NKAPL: variants seen among roughly 807,000 people sequenced by gnomAD.
NKAPL encodes the protein NFKB activating protein like.
NKAPL carries 7 observed loss-of-function variants against 14.7 expected under a neutral mutation model. The observed-to-expected ratio is 0.48, with a 90% CI of 0.27 to 0.89. The LOEUF is 0.89. Among genes scored for constraint, NKAPL ranks in the 40% least tolerant of loss-of-function variants. The pLI is 0.12. For synonymous variants in NKAPL, 192 were observed against 179.9 expected (o/e 1.07, Z -0.54); for missense variants, 466 against 494.1 (o/e 0.94, Z 0.54).
Position 28,260,228 on chromosome 6 carries a change from A to T in NKAPL, c.857A>T (p.His286Leu). The change falls in exon 1 of 1, where the codon CAT becomes CTT. Residue 286 changes from histidine (H) to leucine (L), a missense_variant. Physicochemically the swap from His to Leu is moderately conservative, Grantham distance 99. Coordinates refer to ENST00000343684, the MANE Select transcript of NKAPL (RefSeq NM_001007531.3). Reference protein sequence around the residue: ...DLIGPEAPIIHTSQDEKPLKY... With the variant: ...DLIGPEAPIILTSQDEKPLKY... The stretch of plus-strand genomic sequence containing the variant: ...ATAGGGCCAGAAGCACCTATAATAC[A>T]TACCTCTCAAGATGAAAAACCTTTG... 6.2e-7 allele frequency: 1 copy of T among 1,614,210 alleles called. No homozygotes were observed. The highest frequency in any genetic ancestry group is 1.3e-5 in the African/African-American group (1 of 75,074).
At position 28,260,909 on chromosome 6, in the gene NKAPL, A is replaced by T. The variant is rs549254021; in HGVS notation, c.*329A>T. ...ACATTCTGTGCATATACAAGAGTAT[A>T]TGTTGCAGCATAAAGATTAAAAGCT... On this transcript the variant is annotated 3_prime_UTR_variant, in exon 1 of 1. Transcript: ENST00000343684. 1 of 192,326 alleles carries T rather than the reference A, an allele frequency of 5.2e-6. No individual in the cohort carries two copies. The highest frequency in any genetic ancestry group is 1.2e-5 in the Non-Finnish European group (1 of 85,494). 11.9% of individuals were successfully genotyped at this position (192,326 alleles called of 1,614,324 possible). A position where few individuals can be genotyped will look rare whatever the true frequency, so the allele number is the denominator to read the frequency against.
At position 28,259,415 on chromosome 6, in the gene NKAPL, G is replaced by C. The variant is rs765815822; in HGVS notation, c.44G>C (p.Gly15Ala). 1 of 1,607,550 alleles carries C rather than the reference G, an allele frequency of 6.2e-7. No individual in the cohort carries two copies. Among genetic ancestry groups the C allele is most frequent in the Non-Finnish European group, 8.5e-7 (1 of 1,175,532 alleles). The part of the protein sequence containing the change: ...SRSSYSEDIV[G>A]SRRRRRSSSG... ...TCCAGCTATTCCGAGGACATCGTGG[G>C]CTCTCGGAGAAGGCGACGCAGCTCC... is the stretch of plus-strand genomic sequence containing the variant. Residue 15 changes from glycine to alanine, a missense_variant, in exon 1 of 1, where the codon GGC (glycine) becomes GCC (alanine). Coordinates refer to ENST00000343684, the MANE Select transcript of NKAPL (RefSeq NM_001007531.3).
At position 28,259,704 on chromosome 6, in the gene NKAPL, C is replaced by CGA. The variant is rs2113700500; in HGVS notation, c.336_337dup (p.Lys113ArgfsTer11). 1 of 1,614,148 alleles carries CGA rather than the reference C, an allele frequency of 6.2e-7. No individual in the cohort carries two copies. The highest frequency in any genetic ancestry group is 2.2e-5 in the East Asian group (1 of 44,870). The stretch of plus-strand genomic sequence containing the variant: ...AAGAACGGCAGTCAGCGGAAGACTA[C>CGA]GAGAAGGAAGAGAGCCATCGGCAGA... On this transcript the variant is annotated frameshift_variant, in exon 1 of 1. Coordinates refer to ENST00000343684, the MANE Select transcript of NKAPL (RefSeq NM_001007531.3). LOFTEE classifies it low-confidence loss of function (END_TRUNC).
rs753687717 is a variant in NKAPL, at chr6:28,260,582, GACTT to G, written c.*7_*10del. ...ACAAAAGAGAAAGATGACAAGTAAG[GACTT>G]ACTTGTTGCACAGCAGGAATTTTAA... On this transcript the variant is annotated 3_prime_UTR_variant, in exon 1 of 1. Coordinates refer to ENST00000343684, the MANE Select transcript of NKAPL (RefSeq NM_001007531.3). The G allele has an allele frequency of 7.5e-6, 12 of 1,598,994 alleles. No homozygotes were observed. The highest frequency in any genetic ancestry group is 1.0e-5 in the Non-Finnish European group (12 of 1,172,692).
Position 28,259,454 on chromosome 6 carries a change from C to T in NKAPL, c.83C>T (p.Pro28Leu). 6.2e-7 allele frequency: 1 copy of T among 1,613,326 alleles called. No individual in the cohort carries two copies. Among genetic ancestry groups the T allele is most frequent in the Non-Finnish European group, 8.5e-7 (1 of 1,179,486 alleles). Reference protein sequence around the residue: ...RRRRSSSGSPPSPQSRCSSWD... With the variant: ...RRRRSSSGSPLSPQSRCSSWD... ...CGACGCAGCTCCTCGGGGAGCCCAC[C>T]ATCCCCGCAGAGCAGATGTTCCTCT... is the stretch of plus-strand genomic sequence containing the variant. The change falls in exon 1 of 1, where the codon CCA (proline) becomes CTA (leucine). Residue 28 changes from proline to leucine, a missense_variant. By Grantham distance (98) the Pro-to-Leu change is moderately conservative. Transcript: ENST00000343684.
At position 28,260,288 on chromosome 6, in the gene NKAPL, C is replaced by T. The variant is rs1386352959; in HGVS notation, c.917C>T (p.Ala306Val). ...YGHALLPGEG[A>V]AMAEYVKAGK... ...CATGCTTTGCTTCCCGGTGAAGGTG[C>T]AGCTATGGCTGAGTATGTAAAAGCT... Residue 306 changes from alanine to valine, a missense_variant, in exon 1 of 1, where the codon GCA becomes GTA. By Grantham distance (64) the Ala-to-Val change is moderately conservative. Transcript: ENST00000343684. The T allele has an allele frequency of 6.2e-7, 1 of 1,614,142 alleles. No homozygotes were observed.
rs762325035 is a variant in NKAPL at position 28,259,590 on chromosome 6, G to A, written c.219G>A (p.Gly73=). The A allele has an allele frequency of 3.7e-6, 6 of 1,614,156 alleles. No homozygotes were observed. Among genetic ancestry groups the A allele is most frequent in the Non-Finnish European group, 3.4e-6 (4 of 1,179,952 alleles). The change falls in exon 1 of 1, where the codon GGG becomes GGA. Residue 73 remains glycine (G), a synonymous_variant. Transcript: ENST00000343684. The part of the protein sequence containing the change: ...LYPFSRSGSR[G]RLPRFRNYAF... ...CCTTTAGTCGCTCTGGGTCGCGAGG[G>A]CGGCTCCCAAGATTCCGCAACTACG...
chr6:28,259,548 C>T lies in NKAPL; in HGVS notation c.177C>T (p.Asp59=), dbSNP rs1213761141. The part of the protein sequence containing the change: ...EGLRPPWSEL[D]VGALYPFSRS... ...TCAGGCCTCCTTGGAGTGAGTTGGA[C>T]GTGGGCGCTCTTTACCCCTTTAGTC... Residue 59 remains aspartate (D), a synonymous_variant, in exon 1 of 1, where the codon GAC becomes GAT. Transcript: ENST00000343684. 3.1e-6 allele frequency: 5 copies of T among 1,614,158 alleles called. No homozygotes were observed. The highest frequency in any genetic ancestry group is 1.3e-5 in the African/African-American group (1 of 75,070).
rs1380349251 is a variant in NKAPL, at chr6:28,260,924, G to C, written c.*344G>C. Reference sequence around the variant, plus strand: ...ACAAGAGTATATGTTGCAGCATAAAGATTAAAAGCTATTAAAGTTTTTTTT... The same window carrying C: ...ACAAGAGTATATGTTGCAGCATAAACATTAAAAGCTATTAAAGTTTTTTTT... On this transcript the variant is annotated 3_prime_UTR_variant, in exon 1 of 1. Transcript: ENST00000343684. 1 of 181,128 alleles carries C rather than the reference G, an allele frequency of 5.5e-6. No individual in the cohort carries two copies. The highest frequency in any genetic ancestry group is 2.4e-5 in the African/African-American group (1 of 41,906). 11.2% of individuals were successfully genotyped at this position (181,128 alleles called of 1,614,324 possible).
In NKAPL at chr6:28,259,449, C is replaced by T. The variant is rs1396219737; in HGVS notation, c.78C>T (p.Ser26=). The T allele has an allele frequency of 8.7e-6, 14 of 1,612,838 alleles. No individual in the cohort carries two copies. The highest frequency in any genetic ancestry group is 1.1e-5 in the Non-Finnish European group (13 of 1,179,290). ...SRRRRRSSSG[S]PPSPQSRCSS... ...GAAGGCGACGCAGCTCCTCGGGGAG[C>T]CCACCATCCCCGCAGAGCAGATGTT... Residue 26 remains serine, a synonymous_variant, in exon 1 of 1, where the codon AGC becomes AGT. Coordinates refer to ENST00000343684, the MANE Select transcript of NKAPL (RefSeq NM_001007531.3).
At position 28,259,516 on chromosome 6, in the gene NKAPL, G is replaced by A. The variant is rs1157637268; in HGVS notation, c.145G>A (p.Glu49Lys). ...TTCCCGCTCTCACTCCCGCGGCCGT[G>A]AGGGCCTCAGGCCTCCTTGGAGTGA... ...GCSRSHSRGR[E>K]GLRPPWSELD... is the part of the protein sequence containing the mutation. Residue 49 changes from glutamate to lysine, a missense_variant, in exon 1 of 1, where the codon GAG (glutamate) becomes AAG (lysine). By Grantham distance (56) the Glu-to-Lys change is moderately conservative (BLOSUM62 1). Transcript: ENST00000343684. 1 of 1,614,238 alleles carries A rather than the reference G, an allele frequency of 6.2e-7. No homozygotes were observed. The highest frequency in any genetic ancestry group is 1.7e-5 in the Admixed American group (1 of 60,036).
In NKAPL at chr6:28,260,691, G is replaced by GA. The variant is rs1761329526; in HGVS notation, c.*116dup. ...CTTACCATATTAGTAAGTCCCTCAG[G>GA]AAAAAGCTTCTTTTGAGATATCTTT... On this transcript the variant is annotated 3_prime_UTR_variant, in exon 1 of 1. Transcript: ENST00000343684. The GA allele has an allele frequency of 7.4e-7, 1 of 1,354,182 alleles. No individual in the cohort carries two copies. The allele number at this position is 1,354,182 out of a possible 1,614,324, so 83.9% of individuals were successfully genotyped here. A position where few individuals can be genotyped will look rare whatever the true frequency, so the allele number is the denominator to read the frequency against.
At position 28,259,705 on chromosome 6, in the gene NKAPL, G is replaced by A. The variant is rs1761297439; in HGVS notation, c.334G>A (p.Glu112Lys). ...AGAACGGCAGTCAGCGGAAGACTAC[G>A]AGAAGGAAGAGAGCCATCGGCAGAG... Reference protein sequence around the residue: ...AEERQSAEDYEKEESHRQRRL... With the variant: ...AEERQSAEDYKKEESHRQRRL... The change falls in exon 1 of 1, where the codon GAG (glutamate) becomes AAG (lysine). Residue 112 changes from glutamate to lysine, a missense_variant. Physicochemically the swap from Glu to Lys is moderately conservative, Grantham distance 56. Transcript: ENST00000343684. 1 of 1,614,222 alleles carries A rather than the reference G, an allele frequency of 6.2e-7. No individual in the cohort carries two copies. Among genetic ancestry groups the A allele is most frequent in the African/African-American group, 1.3e-5 (1 of 75,072 alleles).
At position 28,260,151 on chromosome 6, in the gene NKAPL, G is replaced by A. The variant is rs776303341; in HGVS notation, c.780G>A (p.Leu260=). ...GCTGTAAAGACTCAGAAGAGGACTT[G>A]TCAGAAGCTACCTGGATGGAGCAGC... The part of the protein sequence containing the change: ...DSSCKDSEED[L]SEATWMEQPN... Residue 260 remains leucine (L), a synonymous_variant, in exon 1 of 1, where the codon TTG becomes TTA. Transcript: ENST00000343684. 2.5e-6 allele frequency: 4 copies of A among 1,613,308 alleles called. No individual in the cohort carries two copies. The highest frequency in any genetic ancestry group is 3.4e-6 in the Non-Finnish European group (4 of 1,179,650).
In NKAPL at chr6:28,259,316, G is replaced by A; in HGVS notation, c.-56G>A. 8 of 1,454,298 alleles carry A rather than the reference G, an allele frequency of 5.5e-6. No homozygotes were observed. Among genetic ancestry groups the A allele is most frequent in the Non-Finnish European group, 7.4e-6 (8 of 1,086,356 alleles). The allele number at this position is 1,454,298 out of a possible 1,614,324, so 90.1% of individuals were successfully genotyped here. On this transcript the variant is annotated 5_prime_UTR_variant, in exon 1 of 1. Coordinates refer to ENST00000343684, the MANE Select transcript of NKAPL (RefSeq NM_001007531.3). ...GATTCTAGTGCGCCTGCGTGGCCGC[G>A]AATCACCAGCCAGCCTCTGGGTCTG...
At position 28,260,510 on chromosome 6, in the gene NKAPL, G is replaced by C; in HGVS notation, c.1139G>C (p.Arg380Thr). ...ASFNQEERRK[R>T]ESKILASFRE... ...TTTAACCAAGAAGAGAGACGAAAGA[G>C]AGAAAGTAAGATTTTAGCCAGTTTC... Residue 380 changes from arginine to threonine, a missense_variant, in exon 1 of 1, where the codon AGA becomes ACA. Coordinates refer to ENST00000343684, the MANE Select transcript of NKAPL (RefSeq NM_001007531.3). 6.2e-7 allele frequency: 1 copy of C among 1,614,062 alleles called. No homozygotes were observed. The highest frequency in any genetic ancestry group is 8.5e-7 in the Non-Finnish European group (1 of 1,180,016).
rs2113700484 is a variant in NKAPL at position 28,259,694 on chromosome 6, C to T, written c.323C>T (p.Ala108Val). ...TGCTATGCAGAAGAACGGCAGTCAG[C>T]GGAAGACTACGAGAAGGAAGAGAGC... ...RHCYAEERQS[A>V]EDYEKEESHR... Residue 108 changes from alanine to valine, a missense_variant, in exon 1 of 1, where the codon GCG becomes GTG. Ala to Val is a moderately conservative substitution (Grantham distance 64). Transcript: ENST00000343684. 2 of 1,614,168 alleles carry T rather than the reference C, an allele frequency of 1.2e-6. No individual in the cohort carries two copies. Among genetic ancestry groups the T allele is most frequent in the Admixed American group, 1.7e-5 (1 of 60,030 alleles).
Position 28,260,126 on chromosome 6 carries a change from G to GCTTA in NKAPL, c.757_758insTACT (p.Cys253LeufsTer3). The GCTTA allele has an allele frequency of 6.2e-7, 1 of 1,603,698 alleles. No individual in the cohort carries two copies. Among genetic ancestry groups the GCTTA allele is most frequent in the Non-Finnish European group, 8.5e-7 (1 of 1,176,944 alleles). ...ACCAAAAAAGAATCCAGTGACTCAA[G>GCTTA]CTGTAAAGACTCAGAAGAGGACTTG... On this transcript the variant is annotated frameshift_variant, in exon 1 of 1. Coordinates refer to ENST00000343684, the MANE Select transcript of NKAPL (RefSeq NM_001007531.3). LOFTEE classifies it high-confidence loss of function.
chr6:28,259,502 A>G lies in NKAPL; in HGVS notation c.131A>G (p.His44Arg), dbSNP rs753317804. 6.2e-7 allele frequency: 1 copy of G among 1,613,676 alleles called. No homozygotes were observed. Among genetic ancestry groups the G allele is most frequent in the Non-Finnish European group, 8.5e-7 (1 of 1,179,948 alleles). Residue 44 changes from histidine to arginine, a missense_variant, in exon 1 of 1, where the codon CAC becomes CGC. Coordinates refer to ENST00000343684, the MANE Select transcript of NKAPL (RefSeq NM_001007531.3). ...CSSWDGCSRS[H>R]SRGREGLRPP... The stretch of plus-strand genomic sequence containing the variant: ...TCTTGGGATGGCTGTTCCCGCTCTC[A>G]CTCCCGCGGCCGTGAGGGCCTCAGG...
Sources: allele counts gnomAD v4.1 joint callset, GRCh38; gene constraint gnomAD v4.1.1; transcripts MANE v1.5; gene names NCBI Gene and HGNC (gene_info 2026-07-23, HGNC 2026-07-21).